The following RBFOX1 variants were observed in gnomAD, a reference collection of about 807,000 sequenced individuals.
RBFOX1 encodes the protein RNA binding protein fox-1 homolog 1.
In RBFOX1, 8 loss-of-function variants were observed where a neutral mutation model predicts 57.7. The ratio of observed to expected loss-of-function variants is 0.14; its 90% CI spans 0.08 to 0.25. The LOEUF is 0.25. Among genes scored for constraint, RBFOX1 ranks in the 10% least tolerant of loss-of-function variants. RBFOX1 has a pLI of 1.00. For synonymous variants in RBFOX1, 326 were observed against 222.4 expected (o/e 1.47, Z -4.15); for missense variants, 611 against 548.5 (o/e 1.11, Z -1.14).
intron 2 of RBFOX1, among the ~76,000 whole-genome samples, chr16:5,545,610 C>G (rs2045161641): frequency 6.6e-6 from 1 of 151,966 alleles, no homozygotes; most frequent in African/African-American, 2.4e-5. Flanking sequence ...GACACATGAT[C>G]ATTTCAATGG....
intron 4 of RBFOX1, among the ~76,000 whole-genome samples, chr16:7,468,040 G>A (rs1397198928): frequency 3.9e-5 from 6 of 152,188 alleles, no homozygotes; most frequent in Non-Finnish European, 5.9e-5. Flanking sequence ...CTTGTTAGCC[G>A]CTGAACTTCT....
At chr16:6,112,548 G>A (rs956374910) in intron 1 of RBFOX1, among the ~76,000 whole-genome samples, 1 of 152,104 alleles carries the variant, frequency 6.6e-6, no homozygotes, top group Non-Finnish European at 1.5e-5. Context: ...AAAGTTAGCT[G>A]TGCATGGTGG....
upstream of RBFOX1, among the ~76,000 whole-genome samples, chr16:6,016,866 T>A (rs911878309): frequency 6.6e-6 from 1 of 152,168 alleles, no homozygotes; most frequent in Non-Finnish European, 1.5e-5. Context: ...AACTAATACT[T>A]TCCAAATGAA....
chr16:6,640,806 C>T (rs115692528), intron 2 of RBFOX1, among the ~76,000 whole-genome samples: 1 of 152,084 alleles, frequency 6.6e-6, no homozygotes, highest in Non-Finnish European at 1.5e-5. Flanking sequence ...AGAATACGTT[C>T]TCTGGGCCTC....
At chr16:7,291,417 G>C (rs776454538) in intron 4 of RBFOX1, among the ~76,000 whole-genome samples, 1 of 152,160 alleles carries the variant, frequency 6.6e-6, no homozygotes, top group African/African-American at 2.4e-5. Flanking sequence ...AAAATAATGT[G>C]ATGTGCTAGT....
chr16:5,581,688 C>G (rs529928756), intron 2 of RBFOX1, among the ~76,000 whole-genome samples: 1 of 152,252 alleles, frequency 6.6e-6, no homozygotes, highest in East Asian at 1.9e-4. Context: ...ACAGGGAACT[C>G]TCCAAGCCAG....
intron 1 of RBFOX1, among the ~76,000 whole-genome samples, chr16:6,237,030 A>T (rs1273384568): frequency 6.6e-6 from 1 of 152,174 alleles, no homozygotes; most frequent in African/African-American, 2.4e-5. Context: ...AATGCAAAAG[A>T]ATGTTTAATG....
intron 4 of RBFOX1, among the ~76,000 whole-genome samples, chr16:7,143,147 C>T (rs546254725): frequency 2.0e-5 from 3 of 152,062 alleles, no homozygotes; most frequent in African/African-American, 4.8e-5. Context: ...AGCAAAAAGC[C>T]GTACGTGTTT....
chr16:5,655,210 A>C (rs1247326905), intron 3 of RBFOX1, among the ~76,000 whole-genome samples: 1 of 152,212 alleles, frequency 6.6e-6, no homozygotes, highest in East Asian at 1.9e-4. Context: ...TGCAGAATCT[A>C]CTGTGGAAAT....
intron 3 of RBFOX1, among the ~76,000 whole-genome samples, chr16:5,692,410 G>A (rs2050716703): frequency 6.6e-6 from 1 of 151,990 alleles, no homozygotes; most frequent in African/African-American, 2.4e-5. Context: ...GCAAAAAGAT[G>A]AGTTCTGCTA....
chr16:7,698,820 C>T (rs193157399), intron 14 of RBFOX1, among the ~76,000 whole-genome samples: 1 of 152,132 alleles, frequency 6.6e-6, no homozygotes, highest in African/African-American at 2.4e-5. Flanking sequence ...TATTGAGAAC[C>T]TTCTGTATAT....
At chr16:7,427,423 G>C (rs1246383638) in intron 4 of RBFOX1, among the ~76,000 whole-genome samples, 1 of 151,996 alleles carries the variant, frequency 6.6e-6, no homozygotes, top group Non-Finnish European at 1.5e-5. Flanking sequence ...GGACAGGCTT[G>C]GTTTTGCAAA....
At chr16:6,543,361 C>A (rs1167133863) in intron 2 of RBFOX1, among the ~76,000 whole-genome samples, 1 of 152,094 alleles carries the variant, frequency 6.6e-6, no homozygotes, top group East Asian at 1.9e-4. Flanking sequence ...TCCACTGAGT[C>A]TCTACTCGGT....
At chr16:7,228,299 T>C (rs1289254151) in intron 4 of RBFOX1, among the ~76,000 whole-genome samples, 1 of 152,182 alleles carries the variant, frequency 6.6e-6, no homozygotes, top group African/African-American at 2.4e-5. Context: ...CAAGGTAATA[T>C]AATGATTATT....
intron 2 of RBFOX1, among the ~76,000 whole-genome samples, chr16:6,419,105 G>A (rs1254291284): frequency 6.6e-6 from 1 of 152,088 alleles, no homozygotes; most frequent in African/African-American, 2.4e-5. Flanking sequence ...TTATTCTACA[G>A]GCCAGCATGA....
chr16:5,622,233 C>G (rs2048220541), intron 3 of RBFOX1, among the ~76,000 whole-genome samples: 1 of 152,168 alleles, frequency 6.6e-6, no homozygotes, highest in Admixed American at 6.5e-5. Context: ...AATTATGATG[C>G]CAAAGCTCCA....
chr16:5,586,344 C>T (rs1427013098), intron 2 of RBFOX1, among the ~76,000 whole-genome samples: 1 of 152,208 alleles, frequency 6.6e-6, no homozygotes, highest in Non-Finnish European at 1.5e-5. Context: ...GTTTTTAAAG[C>T]TCGCTGGGTG....
At chr16:6,642,060 C>G (rs79095578) in intron 2 of RBFOX1, among the ~76,000 whole-genome samples, 5,352 of 152,250 alleles carry the variant, frequency 0.035, 137 homozygotes, top group Non-Finnish European at 0.048. Flanking sequence ...TGCATGCTGT[C>G]TGAGGGTGCA....
chr16:6,747,976 T>G (rs117074382), intron 3 of RBFOX1, among the ~76,000 whole-genome samples: 2 of 152,306 alleles, frequency 1.3e-5, no homozygotes, highest in East Asian at 3.9e-4. Flanking sequence ...CTTTCTCTTT[T>G]GAAATGCACC....
Sources: allele counts gnomAD v4.1 joint callset (sites outside exome capture counted in the v4.1 genomes callset), GRCh38; gene constraint gnomAD v4.1.1; transcripts MANE v1.5; gene names NCBI Gene and HGNC (gene_info 2026-07-23, HGNC 2026-07-21).